Variants in SUPT3H observed in about 807,000 individuals in gnomAD.
SUPT3H encodes the protein SPT3 homolog, SAGA and STAGA complex component.
In SUPT3H, 44 loss-of-function variants were observed where a neutral mutation model predicts 44.3. The observed-to-expected ratio is 0.99, with a 90% CI of 0.78 to 1.28. SUPT3H has a LOEUF of 1.28. Among genes scored for constraint, SUPT3H ranks in the 50% most tolerant of loss-of-function variants. The pLI, the probability that SUPT3H is intolerant of heterozygous loss-of-function variation, is 0.00. For missense variants in SUPT3H, 380 were observed against 387.1 expected, an observed-to-expected ratio of 0.98 and a Z score of 0.15; for synonymous variants, 124 against 125.6, an observed-to-expected ratio of 0.99 and a Z score of 0.09.
intron 2 of SUPT3H, among the ~76,000 whole-genome samples, chr6:45,315,210 C>T (rs980528132): frequency 6.6e-6 from 1 of 152,086 alleles, no homozygotes; most frequent in African/African-American, 2.4e-5. Flanking sequence ...AAAAACCCTT[C>T]TAGACATTGC....
chr6:44,970,101 T>G (rs1252871656), intron 6 of SUPT3H, among the ~76,000 whole-genome samples: 2 of 152,142 alleles, frequency 1.3e-5, no homozygotes, highest in African/African-American at 2.4e-5. Context: ...CTAAATATAT[T>G]AATTAATGTC....
chr6:45,178,197 T>G (rs1182722941), intron 2 of SUPT3H, among the ~76,000 whole-genome samples: 1 of 152,048 alleles, frequency 6.6e-6, no homozygotes, highest in Non-Finnish European at 1.5e-5. Flanking sequence ...GAGACACACA[T>G]AGGCTCAAAT....
At chr6:45,112,490 A>G (rs998826066) in intron 2 of SUPT3H, among the ~76,000 whole-genome samples, 1 of 152,150 alleles carries the variant, frequency 6.6e-6, no homozygotes, top group South Asian at 2.1e-4. Flanking sequence ...TAACAGGCCT[A>G]ACTTTGAGTC....
chr6:45,071,157 T>G (rs1311969175), intron 3 of SUPT3H, among the ~76,000 whole-genome samples: 1 of 152,150 alleles, frequency 6.6e-6, no homozygotes, highest in Non-Finnish European at 1.5e-5. Context: ...AGGTTCCTAT[T>G]TGGCAAGAGT....
intron 2 of SUPT3H, among the ~76,000 whole-genome samples, chr6:45,165,069 C>G (rs1464577483): frequency 6.6e-6 from 1 of 151,952 alleles, no homozygotes; most frequent in Non-Finnish European, 1.5e-5. Flanking sequence ...TAAGAAATTT[C>G]CATTCTGTCC....
chr6:44,983,427 G>A (rs1779370953), intron 6 of SUPT3H, among the ~76,000 whole-genome samples: 1 of 152,062 alleles, frequency 6.6e-6, no homozygotes, highest in African/African-American at 2.4e-5. Context: ...ACCTTCAGTA[G>A]GCAAGGAATG....
rs1408531757 is a variant in SUPT3H, at chr6:44,827,082, CAGTATCAAG to C, written c.*2725_*2733del. On this transcript the variant is annotated 3_prime_UTR_variant, in exon 11 of 11. Transcript: ENST00000371459. The stretch of plus-strand genomic sequence containing the variant: ...TTTCTTTACCCTTAAATCTAGGAAG[CAGTATCAAG>C]AGACGCTATTTATTTATTGGCTTAT... Among the ~76,000 whole-genome samples the C allele has an allele frequency of 2.6e-5, 4 of 152,084 alleles. No individual in the cohort carries two copies. The highest frequency in any genetic ancestry group is 7.2e-5 in the African/African-American group (3 of 41,426).
intron 2 of SUPT3H, among the ~76,000 whole-genome samples, chr6:45,217,475 A>AAAAAT (rs745480680): frequency 3.4e-5 from 2 of 59,324 alleles, no homozygotes; most frequent in Non-Finnish European, 6.8e-5. Context: ...ATTCCGCCTC[A>AAAAAT]AAAATAAAAT....
intron 2 of SUPT3H, among the ~76,000 whole-genome samples, chr6:45,192,089 G>A (rs373646777): frequency 3.3e-5 from 5 of 152,008 alleles, no homozygotes; most frequent in Admixed American, 2.0e-4. Flanking sequence ...TAAGTTTTTC[G>A]TATCTGTTAG....
At chr6:45,020,280 T>C (rs187670810) in intron 4 of SUPT3H, among the ~76,000 whole-genome samples, 3 of 151,936 alleles carry the variant, frequency 2.0e-5, no homozygotes, top group Non-Finnish European at 4.4e-5. Flanking sequence ...GTGAGTATCA[T>C]GTAGCAATGA....
At chr6:44,930,746 T>C (rs539623730) in intron 10 of SUPT3H, among the ~76,000 whole-genome samples, 6 of 152,340 alleles carry the variant, frequency 3.9e-5, no homozygotes, top group African/African-American at 1.4e-4. Context: ...TGTTTGATTG[T>C]TCTACTAGCG....
Position 45,049,978 on chromosome 6 carries a change from C to G in SUPT3H, c.187-29346G>C, listed in dbSNP as rs755554746. Among the ~76,000 whole-genome samples, 55 of 151,986 alleles carry G rather than the reference C, an allele frequency of 3.6e-4. 2 individuals are homozygous for G. Among genetic ancestry groups the G allele is most frequent in the Non-Finnish European group, 1.2e-4 (8 of 67,984 alleles). ...TGACAGTAAGATAAATATTTGGTAC[C>G]CTCTTTTTAAGCAGCAGAATGTTCT... is the stretch of plus-strand genomic sequence containing the variant. On this transcript the variant is annotated intron_variant, in intron 3 of 10. Transcript: ENST00000371459.
rs908714209 is a variant in SUPT3H, at chr6:45,249,260, T to C, written c.101+115941A>G. On this transcript the variant is annotated intron_variant, in intron 2 of 10. Transcript: ENST00000371459. ...TAGCATTATTCTTTTATTTTGCTTATAGTTTCTCTGTATTGCATTTTATTG... is the reference window on the plus strand; with the variant it reads ...TAGCATTATTCTTTTATTTTGCTTACAGTTTCTCTGTATTGCATTTTATTG... Among the ~76,000 whole-genome samples the C allele has an allele frequency of 3.9e-5, 6 of 152,218 alleles. No individual in the cohort carries two copies. In the South Asian group the frequency reaches 8.3e-4, roughly 21 times the overall value.
At chr6:45,256,770 C>T (rs1255752043) in intron 2 of SUPT3H, among the ~76,000 whole-genome samples, 2 of 152,174 alleles carry the variant, frequency 1.3e-5, no homozygotes, top group East Asian at 1.9e-4. Flanking sequence ...TCAGTACTTC[C>T]GTCCTTTTTG....
chr6:45,135,337 T>TGAG (rs536161710), intron 2 of SUPT3H, among the ~76,000 whole-genome samples: 38 of 152,262 alleles, frequency 2.5e-4, no homozygotes, highest in African/African-American at 8.7e-4. Flanking sequence ...CACCCTTGGT[T>TGAG]TACTCTCCTA....
intron 11 of SUPT3H, among the ~76,000 whole-genome samples, chr6:44,814,587 C>G (rs1214407501): frequency 6.6e-6 from 1 of 152,208 alleles, no homozygotes; most frequent in Non-Finnish European, 1.5e-5. Flanking sequence ...ATCTACTCAC[C>G]AAGCTGGACT....
intron 3 of SUPT3H, among the ~76,000 whole-genome samples, chr6:45,022,939 T>C (rs1785380093): frequency 6.6e-6 from 1 of 152,058 alleles, no homozygotes; most frequent in Admixed American, 6.6e-5. Context: ...AAAATCTGCA[T>C]ATAAGTGGGA....
intron 2 of SUPT3H, among the ~76,000 whole-genome samples, chr6:45,314,821 C>T (rs1196669053): frequency 6.6e-6 from 1 of 152,064 alleles, no homozygotes. Flanking sequence ...AAAGAGCCCA[C>T]ATAGCCAAAG....
intron 2 of SUPT3H, among the ~76,000 whole-genome samples, chr6:45,177,131 C>A (rs59940433): frequency 0.051 from 7,790 of 151,940 alleles, 260 homozygotes; most frequent in African/African-American, 0.084. Flanking sequence ...GAGCTACGGG[C>A]GGACATTCAA....
Sources: gnomAD v4.1 joint callset for allele counts (sites outside exome capture counted in the v4.1 genomes callset) on GRCh38, gnomAD v4.1.1 for gene constraint, MANE v1.5 for transcripts, NCBI Gene and HGNC (gene_info 2026-07-23, HGNC 2026-07-21) for gene names.